Variants in DIAPH2 observed in about 807,000 individuals in gnomAD.
DIAPH2 encodes diaphanous related formin 2.
Under a neutral mutation model 92.7 loss-of-function variants are expected in DIAPH2, and 35 were observed. That is an observed-to-expected ratio of 0.38 (90% CI 0.29 to 0.50). The LOEUF (loss-of-function observed/expected upper bound fraction) is 0.50. DIAPH2 is among the 20% of genes least tolerant of loss of function. DIAPH2 has a pLI of 0.94. For synonymous variants in DIAPH2, 301 were observed against 280.4 expected, an observed-to-expected ratio of 1.07 and a Z score of -0.73; for missense variants, 701 against 819.5, an observed-to-expected ratio of 0.86 and a Z score of 1.77.
intron 26 of DIAPH2, among the ~76,000 whole-genome samples, chrX:97,476,984 TACAC>T (rs1190615516): frequency 0.021 from 1,225 of 56,988 alleles, 50 homozygotes; most frequent in African/African-American, 0.068. Context: ...TATATATATA[TACAC>T]ACACACACAC....
intron 23 of DIAPH2, among the ~76,000 whole-genome samples, chrX:97,253,898 C>T (rs765249519): frequency 4.5e-5 from 5 of 112,066 alleles, no homozygotes; most frequent in Non-Finnish European, 7.5e-5. Context: ...TACTATACAA[C>T]GAGGCTGCAT....
At chrX:97,122,213 C>CT (rs1385684306) in intron 21 of DIAPH2, among the ~76,000 whole-genome samples, 1 of 111,553 alleles carries the variant, frequency 9.0e-6, no homozygotes, top group Non-Finnish European at 1.9e-5. Context: ...TGGAATCCAT[C>CT]TTTTTTATTT....
At chrX:97,229,848 TATAAC>T (rs2067995468) in intron 22 of DIAPH2, among the ~76,000 whole-genome samples, 2 of 103,848 alleles carry the variant, frequency 1.9e-5, no homozygotes, top group East Asian at 5.8e-4. Flanking sequence ...TCTTATTATA[TATAAC>T]ATATTATATA....
intron 4 of DIAPH2, among the ~76,000 whole-genome samples, chrX:96,811,901 G>A (rs139111370): frequency 0.025 from 2,843 of 111,771 alleles, 84 homozygotes; most frequent in African/African-American, 0.088. Flanking sequence ...GCTTTTTGAT[G>A]TGCAGCTGGA....
chrX:96,786,928 A>G (rs1357777713), intron 4 of DIAPH2, among the ~76,000 whole-genome samples: 1 of 112,140 alleles, frequency 8.9e-6, no homozygotes, highest in Non-Finnish European at 1.9e-5. Context: ...ACTTTATATT[A>G]TGTACCGTGA....
chrX:97,485,538 C>T (rs375183217), intron 26 of DIAPH2, among the ~76,000 whole-genome samples: 63 of 112,669 alleles, frequency 5.6e-4, no homozygotes, highest in African/African-American at 1.9e-3. Flanking sequence ...TGATTGTATT[C>T]TCATTTTCCA....
In DIAPH2 at chrX:97,071,319, G is replaced by A. The variant is rs188601195; in HGVS notation, c.2051-1622G>A. Among the ~76,000 whole-genome samples, 4 of 111,269 alleles carry A rather than the reference G, an allele frequency of 3.6e-5. No individual in the cohort carries two copies. In the East Asian group the frequency reaches 1.1e-3, roughly 31 times the overall value. ...AAGAATATTTGAGATATGTTTTAAT[G>A]TATTTTAAAACATATTTGGAAATAT... On this transcript the variant is annotated intron_variant, in intron 17 of 26. Coordinates refer to ENST00000324765, the MANE Select transcript of DIAPH2 (RefSeq NM_006729.5).
chrX:97,129,146 C>CTTTTCTTTCT (rs113199689), intron 21 of DIAPH2, among the ~76,000 whole-genome samples: 722 of 36,427 alleles, frequency 0.02, 16 homozygotes, highest in South Asian at 0.044. Context: ...CTTTTCTTTT[C>CTTTTCTTTCT]TTTCTTTTCT....
In DIAPH2 at chrX:97,176,505, G is replaced by GTTTGTTTTGT. The variant is rs150874105; in HGVS notation, c.2719+34740_2719+34749dup. Among the ~76,000 whole-genome samples, 17 of 103,908 alleles carry GTTTGTTTTGT rather than the reference G, an allele frequency of 1.6e-4. 1 individual carries two copies. In the East Asian group the frequency reaches 5.1e-3, roughly 31 times the overall value. 90.2% of individuals were successfully genotyped at this position (103,908 alleles called of 115,157 possible). On this transcript the variant is annotated intron_variant, in intron 22 of 26. Transcript: ENST00000324765. ...ATCCATGAAGGATTGGTGTTTTTTTGTTTGTTTTGTTTTGTTTTGTTTTGT... is the reference window on the plus strand; with the variant it reads ...ATCCATGAAGGATTGGTGTTTTTTTGTTTGTTTTGTTTTGTTTTGTTTTGTTTTGTTTTGT...
intron 25 of DIAPH2, among the ~76,000 whole-genome samples, chrX:97,408,163 C>G (rs2069829742): frequency 9.0e-6 from 1 of 111,468 alleles, no homozygotes; most frequent in African/African-American, 3.3e-5. Flanking sequence ...TAGATTTCCT[C>G]TAATGAAGCA....
chrX:97,585,329 G>T (rs73258368), intron 26 of DIAPH2, among the ~76,000 whole-genome samples: 150 of 107,154 alleles, frequency 1.4e-3, no homozygotes, highest in Middle Eastern at 4.9e-3. Flanking sequence ...TTGTTACATT[G>T]GGCTCTTTTA....
In DIAPH2 at chrX:97,328,245, G is replaced by A. The variant is rs192703529; in HGVS notation, c.2845-19871G>A. On this transcript the variant is annotated intron_variant, in intron 23 of 26. Coordinates refer to ENST00000324765, the MANE Select transcript of DIAPH2 (RefSeq NM_006729.5). Reference sequence around the variant, plus strand: ...AGGTCAGGAGTTCAAGATCAGCCTGGCAAACATTGTGAAACCCCATCTCTC... The same window carrying A: ...AGGTCAGGAGTTCAAGATCAGCCTGACAAACATTGTGAAACCCCATCTCTC... 4.4e-3 allele frequency among the ~76,000 whole-genome samples: 484 copies of A among 110,904 alleles called. 6 individuals carry two copies. The highest frequency in any genetic ancestry group is 0.015 in the African/African-American group (461 of 30,527).
chrX:97,495,206 A>C (rs2070750733), intron 26 of DIAPH2, among the ~76,000 whole-genome samples: 1 of 111,882 alleles, frequency 8.9e-6, no homozygotes, highest in South Asian at 3.7e-4. Flanking sequence ...GAGTTTTTTC[A>C]GTTTTGTGTT....
intron 15 of DIAPH2, among the ~76,000 whole-genome samples, 178 bp downstream of exon 15, chrX:96,949,217 GA>G (rs1164404437): frequency 7.3e-5 from 8 of 109,915 alleles, no homozygotes; most frequent in Admixed American, 9.7e-5. Flanking sequence ...TTAATGCTTG[GA>G]AAAAAAATAA....
intron 26 of DIAPH2, among the ~76,000 whole-genome samples, chrX:97,516,303 C>T (rs1308362886): frequency 9.0e-6 from 1 of 111,261 alleles, no homozygotes; most frequent in African/African-American, 3.3e-5. Flanking sequence ...GAATGTACTC[C>T]ATCAATAGGT....
intron 23 of DIAPH2, among the ~76,000 whole-genome samples, chrX:97,342,121 G>A (rs1407282349): frequency 1.8e-5 from 2 of 112,159 alleles, no homozygotes; most frequent in Non-Finnish European, 3.8e-5. Context: ...TTATTAAAAT[G>A]TATTTAAGAT....
chrX:97,474,658 C>T (rs772232591), intron 26 of DIAPH2, among the ~76,000 whole-genome samples: 2 of 109,638 alleles, frequency 1.8e-5, no homozygotes, highest in East Asian at 5.7e-4. Context: ...CCCAGCTACT[C>T]GAGAGGCTGA....
intron 4 of DIAPH2, among the ~76,000 whole-genome samples, chrX:96,772,890 C>T (rs1034523186): frequency 1.8e-5 from 2 of 112,368 alleles, no homozygotes; most frequent in African/African-American, 6.5e-5. Context: ...AACATAACTG[C>T]TTTGTATATT....
intron 17 of DIAPH2, among the ~76,000 whole-genome samples, chrX:97,012,303 A>G (rs1022823328): frequency 1.2e-4 from 14 of 112,165 alleles, no homozygotes; most frequent in Middle Eastern, 4.7e-3. Flanking sequence ...TGTTCTAAAC[A>G]CATTACATGC....
Sources: allele counts gnomAD v4.1 joint callset (sites outside exome capture counted in the v4.1 genomes callset), GRCh38; gene constraint gnomAD v4.1.1; transcripts MANE v1.5; gene names NCBI Gene and HGNC (gene_info 2026-07-23, HGNC 2026-07-21).